Variants in TAF5 observed in about 807,000 individuals in gnomAD.
The protein encoded by TAF5 is TATA-box binding protein associated factor 5.
In TAF5, 20 loss-of-function variants were observed where a neutral mutation model predicts 80.9. That is an observed-to-expected ratio of 0.25 (90% CI 0.17 to 0.36). TAF5 has a LOEUF of 0.36. TAF5 is among the 10% of genes least tolerant of loss of function. The probability of loss-of-function intolerance (pLI) is 1.00; values close to 1 mark genes in which losing one functional copy is unlikely to be tolerated. For synonymous variants in TAF5, 388 were observed against 406.4 expected (o/e 0.95, Z 0.55); for missense variants, 863 against 1,029.4 (o/e 0.84, Z 2.21).
intron 1 of TAF5, among the ~76,000 whole-genome samples, chr10:103,372,134 A>G (rs370375711): frequency 6.6e-6 from 1 of 151,122 alleles, no homozygotes; most frequent in Middle Eastern, 3.2e-3. Context: ...ACGGGGTTTC[A>G]CTATGTTGGC....
intron 1 of TAF5, among the ~76,000 whole-genome samples, chr10:103,369,752 A>G (rs1017057815): frequency 6.6e-6 from 1 of 152,118 alleles, no homozygotes; most frequent in Non-Finnish European, 1.5e-5. Context: ...GACTTAGTGA[A>G]TCAGGTCCTC....
chr10:103,379,849 C>T, intron 4 of TAF5, 35 bp from the exon 5 acceptor site: 2 of 1,605,194 alleles, frequency 1.2e-6, no homozygotes, highest in Non-Finnish European at 1.7e-6. Context: ...TGTTAATAGT[C>T]AAAAGGTAAT....
At chr10:103,373,630 A>G in intron 2 of TAF5, 35 bp downstream of exon 2, 1 of 1,471,968 alleles carries the variant, frequency 6.8e-7, no homozygotes, top group Non-Finnish European at 9.4e-7. Flanking sequence ...ATATACACAC[A>G]TACGTAGTGT....
At chr10:103,380,398 G>A (rs1463831977) in intron 5 of TAF5, among the ~76,000 whole-genome samples, 3 of 152,122 alleles carry the variant, frequency 2.0e-5, no homozygotes, top group Admixed American at 6.6e-5. Context: ...AAAGTGCTGG[G>A]ATTACAGGCA....
intron 1 of TAF5, among the ~76,000 whole-genome samples, chr10:103,371,507 TTTAA>T (rs2093359468): frequency 6.6e-6 from 1 of 152,248 alleles, no homozygotes; most frequent in Admixed American, 6.5e-5. Context: ...CAAATTCTGA[TTTAA>T]TTGACAGATT....
At chr10:103,387,462 T>A in intron 9 of TAF5, 59 bp from the exon 10 acceptor site, 1 of 1,554,196 alleles carries the variant, frequency 6.4e-7, no homozygotes, top group Non-Finnish European at 8.7e-7. Context: ...TACAAAACTT[T>A]AAAATTTTGT....
In TAF5 at chr10:103,378,138, A is replaced by G; in HGVS notation, c.798-97A>G. Reference sequence around the variant, plus strand: ...AGTTCAGGATTATTTAGACTACTACATTGAAAATATTCTGGGATGGTTTAT... The same window carrying G: ...AGTTCAGGATTATTTAGACTACTACGTTGAAAATATTCTGGGATGGTTTAT... On this transcript the variant is annotated intron_variant, in intron 2 of 10. Transcript: ENST00000369839. The surrounding 1 kb of genome is among the most constrained non-coding windows in gnomAD (Gnocchi z 4.1). 2 of 1,045,470 alleles carry G rather than the reference A, an allele frequency of 1.9e-6. No individual in the cohort carries two copies. Among genetic ancestry groups the G allele is most frequent in the Non-Finnish European group, 2.8e-6 (2 of 718,426 alleles). The allele number at this position is 1,045,470 out of a possible 1,614,324, so 64.8% of individuals were successfully genotyped here. A position where few individuals can be genotyped will look rare whatever the true frequency, so the allele number is the denominator to read the frequency against.
chr10:103,383,101 A>T, intron 6 of TAF5, 137 bp from the exon 7 acceptor site: 2 of 627,926 alleles, frequency 3.2e-6, no homozygotes, highest in Non-Finnish European at 5.1e-6. Context: ...TGCCTAATTT[A>T]GAGGGATTAG....
intron 5 of TAF5, among the ~76,000 whole-genome samples, 171 bp downstream of exon 5, chr10:103,380,190 G>A (rs7071418): frequency 0.049 from 7,408 of 151,258 alleles, 614 homozygotes; most frequent in African/African-American, 0.17. Flanking sequence ...GTGCAGTGGC[G>A]CGATCTCAGC....
intron 1 of TAF5, among the ~76,000 whole-genome samples, chr10:103,372,258 G>T (rs1002531734): frequency 4.0e-5 from 6 of 151,250 alleles, no homozygotes; most frequent in African/African-American, 1.5e-4. Flanking sequence ...TAAGATATGG[G>T]TGTGCTGATG....
Position 103,379,603 on chromosome 10 carries a change from TGTAG to T in TAF5, c.1114-1_1116del, listed in dbSNP as rs2093377531. 1 of 1,573,848 alleles carries T rather than the reference TGTAG, an allele frequency of 6.4e-7. No individual in the cohort carries two copies. Reference sequence around the variant, plus strand: ...TTTAAAAATGTTGGCTCTTTTGACTTGTAGGTATTTTTTGGTTTATTAAAAGAAC... The same window carrying T: ...TTTAAAAATGTTGGCTCTTTTGACTTGTATTTTTTGGTTTATTAAAAGAAC... On this transcript the variant is annotated splice_acceptor_variant and splice_polypyrimidine_tract_variant and intron_variant, in intron 3 of 10. Transcript: ENST00000369839. LOFTEE classifies it high-confidence loss of function.
Position 103,368,118 on chromosome 10 carries a change from C to G in TAF5, c.129C>G (p.Gly43=). 7.1e-7 allele frequency: 1 copy of G among 1,407,168 alleles called. No individual in the cohort carries two copies. Among genetic ancestry groups the G allele is most frequent in the Non-Finnish European group, 9.2e-7 (1 of 1,082,176 alleles). The allele number at this position is 1,407,168 out of a possible 1,614,324, so 87.2% of individuals were successfully genotyped here. A position where few individuals can be genotyped will look rare whatever the true frequency, so the allele number is the denominator to read the frequency against. The part of the protein sequence containing the change: ...GEGSGGTTNN[G]PNGGGGNVAA... ...GTAGCGGCGGCACTACCAACAACGGCCCCAACGGCGGCGGCGGGAACGTTG... is the reference window on the plus strand; with the variant it reads ...GTAGCGGCGGCACTACCAACAACGGGCCCAACGGCGGCGGCGGGAACGTTG... Residue 43 remains glycine (G), a synonymous_variant, in exon 1 of 11, where the codon GGC becomes GGG. Coordinates refer to ENST00000369839, the MANE Select transcript of TAF5 (RefSeq NM_006951.5).
chr10:103,375,995 T>A (rs992720876), intron 2 of TAF5, among the ~76,000 whole-genome samples: 1 of 149,384 alleles, frequency 6.7e-6, no homozygotes, highest in Non-Finnish European at 1.5e-5. Context: ...GAGGCAGAGG[T>A]TGCAGTGAGC....
chr10:103,375,667 C>A (rs1169810337), intron 2 of TAF5, among the ~76,000 whole-genome samples: 1 of 151,894 alleles, frequency 6.6e-6, no homozygotes, highest in Non-Finnish European at 1.5e-5. Context: ...GTGGGCTAGG[C>A]CCAAGGAGCT....
rs757612556 is a variant in TAF5, at chr10:103,388,615, G to A, written c.*392G>A. ...GAATTTTAGCTGAAGAATCCTATGA[G>A]CATGTATGTTTCTGCTGTAAAAACG... On this transcript the variant is annotated 3_prime_UTR_variant, in exon 11 of 11. Transcript: ENST00000369839. The A allele has an allele frequency of 2.4e-5, 4 of 165,200 alleles. No homozygotes were observed. The highest frequency in any genetic ancestry group is 5.3e-5 in the Non-Finnish European group (4 of 75,830). 10.2% of individuals were successfully genotyped at this position (165,200 alleles called of 1,614,324 possible). A position where few individuals can be genotyped will look rare whatever the true frequency, so the allele number is the denominator to read the frequency against.
chr10:103,372,810 C>T (rs1157856470), intron 1 of TAF5, among the ~76,000 whole-genome samples: 4 of 151,136 alleles, frequency 2.6e-5, no homozygotes, highest in Non-Finnish European at 5.9e-5. Context: ...GCAGGAGAAT[C>T]GCTTGAACCC....
intron 1 of TAF5, 137 bp from the exon 2 acceptor site, chr10:103,373,221 A>T: frequency 6.2e-6 from 4 of 642,794 alleles, no homozygotes; most frequent in Non-Finnish European, 1.1e-5. Context: ...AGATTATGTG[A>T]TTGTGTTGAG....
chr10:103,382,030 T>G (rs796999106), intron 6 of TAF5, among the ~76,000 whole-genome samples, 189 bp downstream of exon 6: 8 of 152,296 alleles, frequency 5.3e-5, no homozygotes, highest in African/African-American at 1.7e-4. Flanking sequence ...GTTTAATTTC[T>G]TTAGGTCTCA....
At chr10:103,380,215 G>A (rs1004840703) in intron 5 of TAF5, among the ~76,000 whole-genome samples, 196 bp downstream of exon 5, 15 of 150,948 alleles carry the variant, frequency 9.9e-5, no homozygotes, top group African/African-American at 3.2e-4. Context: ...TGCAATGTCC[G>A]CCTCCCAGGT....
Sources: allele counts gnomAD v4.1 joint callset (sites outside exome capture counted in the v4.1 genomes callset), GRCh38; gene constraint gnomAD v4.1.1; non-coding constraint Gnocchi (gnomAD v3.1); transcripts MANE v1.5; gene names NCBI Gene and HGNC (gene_info 2026-07-23, HGNC 2026-07-21).